BRAF: variants seen among roughly 807,000 people sequenced by gnomAD.
BRAF encodes B-Raf proto-oncogene, serine/threonine kinase.
A neutral mutation model predicts 104.6 loss-of-function variants in BRAF; 16 were observed. That is an observed-to-expected ratio of 0.15 (90% CI 0.10 to 0.23). The LOEUF (loss-of-function observed/expected upper bound fraction) is 0.23. Among genes scored for constraint, BRAF ranks in the 10% least tolerant of loss-of-function variants. BRAF has a pLI of 1.00. For missense variants in BRAF, 541 were observed against 937.3 expected, an observed-to-expected ratio of 0.58 and a Z score of 5.52; for synonymous variants, 310 against 341.6, an observed-to-expected ratio of 0.91 and a Z score of 1.02.
At chr7:140,782,426 T>C (rs946908570) in intron 11 of BRAF, among the ~76,000 whole-genome samples, 1 of 143,732 alleles carries the variant, frequency 7.0e-6, no homozygotes, top group Non-Finnish European at 1.5e-5. Flanking sequence ...CAATCAGTGC[T>C]AAATTTCTTC....
chr7:140,900,572 A>G (rs1815490915), intron 1 of BRAF, among the ~76,000 whole-genome samples: 1 of 152,126 alleles, frequency 6.6e-6, no homozygotes, highest in African/African-American at 2.4e-5. Flanking sequence ...ATTACCTGCC[A>G]TTTTGTTATT....
intron 12 of BRAF, chr7:140,780,909 T>C (rs945900655): frequency 6.6e-6 from 1 of 152,236 alleles, no homozygotes; most frequent in African/African-American, 2.4e-5. Context: ...ACATTTTGTA[T>C]ATGTTTACTG....
intron 1 of BRAF, among the ~76,000 whole-genome samples, chr7:140,888,703 C>T (rs886367727): frequency 6.6e-6 from 1 of 151,996 alleles, no homozygotes. Context: ...GGTGCGGTGG[C>T]GGGCACCTGT....
chr7:140,802,332 C>G (rs1202980588), intron 5 of BRAF, among the ~76,000 whole-genome samples: 2 of 130,724 alleles, frequency 1.5e-5, no homozygotes, highest in African/African-American at 3.0e-5. Flanking sequence ...GAGTCTGGCT[C>G]TGTCGCCCAG....
At chr7:140,915,834 T>C (rs1032456223) in intron 1 of BRAF, among the ~76,000 whole-genome samples, 3 of 152,062 alleles carry the variant, frequency 2.0e-5, no homozygotes, top group Non-Finnish European at 2.9e-5. Flanking sequence ...AGATATTGTA[T>C]TACTCTCTCC....
chr7:140,726,769 C>A (rs1795619701), intron 19 of BRAF, among the ~76,000 whole-genome samples: 1 of 152,200 alleles, frequency 6.6e-6, no homozygotes, highest in South Asian at 2.1e-4. Flanking sequence ...TTTTATGTAT[C>A]ATGGTTCTGA....
Position 140,726,226 on chromosome 7 carries a change from GTC to G in BRAF, c.*266_*267del, listed in dbSNP as rs1795590809. Reference sequence around the variant, plus strand: ...GACCATCAAAAGGTCAGAATTCAGGGTCTCTCCTCTTTCTTCCTGGGACTGGG... The same window carrying G: ...GACCATCAAAAGGTCAGAATTCAGGGTCTCCTCTTTCTTCCTGGGACTGGG... On this transcript the variant is annotated 3_prime_UTR_variant, in exon 20 of 20. Transcript: ENST00000644969. 1 of 1,290,160 alleles carries G rather than the reference GTC, an allele frequency of 7.8e-7. No homozygotes were observed. Among genetic ancestry groups the G allele is most frequent in the Non-Finnish European group, 9.8e-7 (1 of 1,020,542 alleles). 79.9% of individuals were successfully genotyped at this position (1,290,160 alleles called of 1,614,324 possible). A position where few individuals can be genotyped will look rare whatever the true frequency, so the allele number is the denominator to read the frequency against.
intron 14 of BRAF, among the ~76,000 whole-genome samples, chr7:140,763,183 G>T (rs989882873): frequency 2.6e-5 from 4 of 152,144 alleles, no homozygotes; most frequent in African/African-American, 9.7e-5. Context: ...AGTAGGGGCG[G>T]CCGGGGAGAG....
rs116336234 is a variant in BRAF, at chr7:140,726,391, T to C, written c.*103A>G. ...ATCAGCTTATGCATTGGAAATTTTGTATCTTTAAAAAAAGATTTGAGGAAC... is the reference window on the plus strand; with the variant it reads ...ATCAGCTTATGCATTGGAAATTTTGCATCTTTAAAAAAAGATTTGAGGAAC... On this transcript the variant is annotated 3_prime_UTR_variant, in exon 20 of 20. Transcript: ENST00000644969. 4.6e-6 allele frequency: 7 copies of C among 1,509,676 alleles called. No individual in the cohort carries two copies. The highest frequency in any genetic ancestry group is 6.2e-6 in the Non-Finnish European group (7 of 1,137,230). The allele number at this position is 1,509,676 out of a possible 1,614,324, so 93.5% of individuals were successfully genotyped here.
intron 1 of BRAF, among the ~76,000 whole-genome samples, chr7:140,888,736 G>A (rs1028370874): frequency 7.9e-5 from 12 of 152,036 alleles, no homozygotes; most frequent in African/African-American, 2.2e-4. Flanking sequence ...TCAGGAGGCT[G>A]TGGCAAGAGA....
At position 140,726,117 on chromosome 7, in the gene BRAF, G is replaced by C. The variant is rs1795584324; in HGVS notation, c.*377C>G. The C allele has an allele frequency of 9.1e-7, 1 of 1,098,716 alleles. No homozygotes were observed. The allele number at this position is 1,098,716 out of a possible 1,614,324, so 68.1% of individuals were successfully genotyped here. A position where few individuals can be genotyped will look rare whatever the true frequency, so the allele number is the denominator to read the frequency against. On this transcript the variant is annotated 3_prime_UTR_variant, in exon 20 of 20. Transcript: ENST00000644969. ...CAGATGATCAGCCACAAATTGATCTGGTGGTTAGAAGGGCAAAGTTGACTG... is the reference window on the plus strand; with the variant it reads ...CAGATGATCAGCCACAAATTGATCTCGTGGTTAGAAGGGCAAAGTTGACTG...
chr7:140,767,377 T>G (rs1799435163), intron 14 of BRAF, among the ~76,000 whole-genome samples: 1 of 152,086 alleles, frequency 6.6e-6, no homozygotes, highest in Non-Finnish European at 1.5e-5. Context: ...GGAGATTTAC[T>G]CAAAAGATGT....
At chr7:140,919,664 A>T (rs766037242) in intron 1 of BRAF, among the ~76,000 whole-genome samples, 10 of 152,200 alleles carry the variant, frequency 6.6e-5, no homozygotes, top group Non-Finnish European at 1.5e-4. Context: ...CAAAAAATTT[A>T]AGAAAGAAAT....
At chr7:140,883,829 C>T (rs1252700777) in intron 1 of BRAF, among the ~76,000 whole-genome samples, 1 of 152,188 alleles carries the variant, frequency 6.6e-6, no homozygotes, top group Admixed American at 6.5e-5. Flanking sequence ...AATCAGGTCA[C>T]ATACATTAGT....
chr7:140,805,757 A>C (rs542311040), intron 5 of BRAF, among the ~76,000 whole-genome samples: 1 of 152,332 alleles, frequency 6.6e-6, no homozygotes, highest in East Asian at 1.9e-4. Flanking sequence ...CTTGGGATAT[A>C]GAGAAATACT....
intron 18 of BRAF, among the ~76,000 whole-genome samples, chr7:140,735,137 T>C (rs923732430): frequency 3.9e-5 from 6 of 152,354 alleles, no homozygotes; most frequent in Admixed American, 3.9e-4. Context: ...CACAAGTCTC[T>C]TTTGGGAAGA....
At chr7:140,781,314 T>C (rs1387120671) in intron 12 of BRAF, 1 of 466,800 alleles carries the variant, frequency 2.1e-6, no homozygotes, top group African/African-American at 2.0e-5. Flanking sequence ...GAAAATAAAA[T>C]CCTTTTGAGG....
At chr7:140,884,717 G>A (rs1344366356) in intron 1 of BRAF, among the ~76,000 whole-genome samples, 1 of 151,842 alleles carries the variant, frequency 6.6e-6, no homozygotes, top group African/African-American at 2.4e-5. Context: ...CCAAAGTGTT[G>A]GGATTACAGG....
rs1818679372 is a variant in BRAF at position 140,924,672 on chromosome 7, C to G, written c.32G>C (p.Gly11Ala). The stretch of plus-strand genomic sequence containing the variant: ...GAACAGAGCCTGGCCCGGCTCCGCG[C>G]CGCCACCACCGCCACCGCTCAGCGC... MAALSGGGGG[G>A]AEPGQALFNG... is the part of the protein sequence containing the mutation. Residue 11 changes from glycine to alanine, a missense_variant, in exon 1 of 20, where the codon GGC (glycine) becomes GCC (alanine). This residue lies in a region of BRAF where 82 missense variants were observed against 65.9 expected (regional missense o/e 1.24). Coordinates refer to ENST00000644969, the MANE Select transcript of BRAF (RefSeq NM_001374258.1). The surrounding 1 kb of genome is among the most constrained non-coding windows in gnomAD (Gnocchi z 4.2). 8.6e-7 allele frequency: 1 copy of G among 1,162,594 alleles called. No individual in the cohort carries two copies. Among genetic ancestry groups the G allele is most frequent in the South Asian group, 1.3e-5 (1 of 75,172 alleles). 72.0% of individuals were successfully genotyped at this position (1,162,594 alleles called of 1,614,324 possible).
Sources: allele counts gnomAD v4.1 joint callset (sites outside exome capture counted in the v4.1 genomes callset), GRCh38; gene constraint gnomAD v4.1.1; regional missense constraint gnomAD v4.1.1; non-coding constraint Gnocchi (gnomAD v3.1); transcripts MANE v1.5; gene names NCBI Gene and HGNC (gene_info 2026-07-23, HGNC 2026-07-21).